COL8A1: variants seen among roughly 807,000 people sequenced by gnomAD.
COL8A1 encodes the protein collagen type VIII alpha 1 chain.
Under a neutral mutation model 42.7 loss-of-function variants are expected in COL8A1, and 21 were observed. That is an observed-to-expected ratio of 0.49 (90% CI 0.35 to 0.71). COL8A1 has a LOEUF of 0.71. COL8A1 is among the 30% of genes least tolerant of loss of function. The pLI is 0.01. For missense variants in COL8A1, 788 were observed against 962.4 expected (o/e 0.82, Z 2.40); for synonymous variants, 367 against 369.1 (o/e 0.99, Z 0.06).
At chr3:99,737,080 G>C (rs888415674) in intron 1 of COL8A1, among the ~76,000 whole-genome samples, 1 of 151,946 alleles carries the variant, frequency 6.6e-6, no homozygotes, top group Non-Finnish European at 1.5e-5. Flanking sequence ...TTTTCCATTT[G>C]CTTGGTAGAT....
intron 3 of COL8A1, among the ~76,000 whole-genome samples, chr3:99,792,202 C>T (rs1485261432): frequency 6.6e-6 from 1 of 152,220 alleles, no homozygotes; most frequent in Non-Finnish European, 1.5e-5. Context: ...TAGTATTATA[C>T]TTAGAAGATT....
intron 1 of COL8A1, among the ~76,000 whole-genome samples, chr3:99,647,008 C>A (rs942937634): frequency 6.6e-6 from 1 of 152,142 alleles, no homozygotes; most frequent in Admixed American, 6.6e-5. Context: ...ACACTGCTAC[C>A]TGGGATTCAT....
chr3:99,688,405 C>T (rs1021170525), intron 1 of COL8A1, among the ~76,000 whole-genome samples: 1 of 152,126 alleles, frequency 6.6e-6, no homozygotes, highest in East Asian at 1.9e-4. Flanking sequence ...ACTCTTCTTC[C>T]AACTTCAGAG....
At chr3:99,698,455 G>C (rs1939442446) in intron 1 of COL8A1, among the ~76,000 whole-genome samples, 1 of 152,198 alleles carries the variant, frequency 6.6e-6, no homozygotes, top group African/African-American at 2.4e-5. Context: ...GGCCAGCTCA[G>C]AATACAAATA....
In COL8A1 at chr3:99,780,174, TATTA is replaced by T. The variant is rs370453416; in HGVS notation, c.-3-10502_-3-10499del. Among the ~76,000 whole-genome samples the T allele has an allele frequency of 1.7e-3, 265 of 152,318 alleles. 3 individuals are homozygous for T. Among genetic ancestry groups the T allele is most frequent in the African/African-American group, 6.3e-3 (261 of 41,574 alleles). ...AGACACTGTTGTAAGCACTTTATTG[TATTA>T]ATTCCCTTAATCTTCTCAACAACCT... On this transcript the variant is annotated intron_variant, in intron 2 of 3. Transcript: ENST00000652472.
At chr3:99,672,527 T>G (rs1345206182) in intron 1 of COL8A1, among the ~76,000 whole-genome samples, 2 of 151,734 alleles carry the variant, frequency 1.3e-5, no homozygotes, top group East Asian at 3.8e-4. Flanking sequence ...ATATATTTTA[T>G]TTCTAGAATT....
At chr3:99,712,242 A>G (rs1281757562) in intron 1 of COL8A1, among the ~76,000 whole-genome samples, 1 of 152,180 alleles carries the variant, frequency 6.6e-6, no homozygotes, top group East Asian at 1.9e-4. Flanking sequence ...TTCTTTGAGG[A>G]AAAAGATTCC....
intron 1 of COL8A1, among the ~76,000 whole-genome samples, chr3:99,672,359 C>A (rs537009346): frequency 2.8e-4 from 42 of 152,078 alleles, no homozygotes; most frequent in African/African-American, 7.9e-4. Context: ...CTACTCATAG[C>A]TATCTTCCAT....
intron 2 of COL8A1, among the ~76,000 whole-genome samples, chr3:99,750,785 T>C (rs914195324): frequency 2.6e-5 from 4 of 152,188 alleles, no homozygotes; most frequent in Admixed American, 6.5e-5. Context: ...GCTATGAACA[T>C]GAGTGTAAAG....
At chr3:99,755,144 G>C (rs778729988) in intron 2 of COL8A1, among the ~76,000 whole-genome samples, 5 of 152,098 alleles carry the variant, frequency 3.3e-5, no homozygotes, top group Non-Finnish European at 7.4e-5. Flanking sequence ...TTGACACACA[G>C]AAGTGTAAAG....
At chr3:99,684,592 A>G (rs766120592) in intron 1 of COL8A1, among the ~76,000 whole-genome samples, 2 of 152,228 alleles carry the variant, frequency 1.3e-5, no homozygotes, top group African/African-American at 4.8e-5. Flanking sequence ...TGAAATGGAC[A>G]GTAGTCAGAT....
intron 1 of COL8A1, among the ~76,000 whole-genome samples, chr3:99,737,808 T>A (rs976266651): frequency 6.6e-6 from 1 of 152,022 alleles, no homozygotes; most frequent in African/African-American, 2.4e-5. Context: ...CTGGATAATA[T>A]CCTGCAGAGT....
intron 1 of COL8A1, among the ~76,000 whole-genome samples, chr3:99,681,508 A>G (rs999215735): frequency 2.6e-5 from 4 of 152,240 alleles, no homozygotes; most frequent in African/African-American, 9.6e-5. Context: ...TAAAGGAGGT[A>G]GAAAGAGTTT....
At chr3:99,673,324 G>C (rs1175287827) in intron 1 of COL8A1, among the ~76,000 whole-genome samples, 1 of 151,990 alleles carries the variant, frequency 6.6e-6, no homozygotes, top group Non-Finnish European at 1.5e-5. Context: ...GAGGGGCTTG[G>C]TTGCCCTCCT....
chr3:99,730,935 T>A (rs897257593), intron 1 of COL8A1, among the ~76,000 whole-genome samples: 9 of 152,160 alleles, frequency 5.9e-5, no homozygotes, highest in African/African-American at 2.2e-4. Context: ...TGTTCTTTTT[T>A]AAAAATCATG....
intron 1 of COL8A1, among the ~76,000 whole-genome samples, chr3:99,671,630 T>C (rs1254723552): frequency 6.6e-6 from 1 of 152,022 alleles, no homozygotes; most frequent in Non-Finnish European, 1.5e-5. Flanking sequence ...ACTATTTTAC[T>C]CTGTTTCTAT....
chr3:99,664,995 G>A (rs1185445924), intron 1 of COL8A1, among the ~76,000 whole-genome samples: 1 of 152,074 alleles, frequency 6.6e-6, no homozygotes, highest in Non-Finnish European at 1.5e-5. Context: ...CTCTCTCCTG[G>A]GAATTTCAGT....
chr3:99,738,615 T>C (rs1423944956), intron 1 of COL8A1, among the ~76,000 whole-genome samples: 1 of 152,228 alleles, frequency 6.6e-6, no homozygotes, highest in African/African-American at 2.4e-5. Context: ...GGAGAACCAC[T>C]GCTCTCTTTA....
intron 1 of COL8A1, among the ~76,000 whole-genome samples, chr3:99,662,173 G>A (rs1196419358): frequency 6.6e-6 from 1 of 152,130 alleles, no homozygotes; most frequent in African/African-American, 2.4e-5. Context: ...GAGGTCAGGA[G>A]TGTGAGACCA....
Sources: gnomAD v4.1 joint callset for allele counts (sites outside exome capture counted in the v4.1 genomes callset) on GRCh38, gnomAD v4.1.1 for gene constraint, MANE v1.5 for transcripts, NCBI Gene and HGNC (gene_info 2026-07-23, HGNC 2026-07-21) for gene names.